The following FANCD2 variants were observed in gnomAD, a reference collection of about 807,000 sequenced individuals.
FANCD2 encodes Fanconi anemia group D2 protein.
A neutral mutation model predicts 192.3 loss-of-function variants in FANCD2; 131 were observed. The observed-to-expected ratio is 0.68, with a 90% CI of 0.59 to 0.79. FANCD2 has a LOEUF of 0.79. Among genes scored for constraint, FANCD2 ranks in the 30% least tolerant of loss-of-function variants. The probability of loss-of-function intolerance (pLI) is 0.00; values close to 1 mark genes in which losing one functional copy is unlikely to be tolerated. For synonymous variants in FANCD2, 524 were observed against 612.5 expected, an observed-to-expected ratio of 0.86 and a Z score of 2.13; for missense variants, 1,508 against 1,701.6, an observed-to-expected ratio of 0.89 and a Z score of 2.00.
intron 30 of FANCD2, 37 bp downstream of exon 30, chr3:10,078,234 G>A (rs892778388): frequency 9.6e-6 from 13 of 1,351,092 alleles, no homozygotes; most frequent in Non-Finnish European, 1.4e-5. Context: ...TGGGCATAGT[G>A]GATTTGGGAA....
chr3:10,060,389 C>T lies in FANCD2; in HGVS notation c.1752C>T (p.Ile584=). Residue 584 remains isoleucine (I), a synonymous_variant, in exon 19 of 44, where the codon ATC becomes ATT. Transcript: ENST00000675286. ...TTGGTGCTGTGACCATGGCTGGCAT[C>T]ATGGCGGCAGACAGGTACACGTGGA... The part of the protein sequence containing the change: ...GIIGAVTMAG[I]MAADRSESPS... The T allele has an allele frequency of 6.2e-7, 1 of 1,613,738 alleles. No homozygotes were observed. The highest frequency in any genetic ancestry group is 8.5e-7 in the Non-Finnish European group (1 of 1,179,698).
At chr3:10,067,694 A>G (rs2087759839) in intron 26 of FANCD2, among the ~76,000 whole-genome samples, 1 of 152,188 alleles carries the variant, frequency 6.6e-6, no homozygotes, top group Admixed American at 6.5e-5. Context: ...ACTACTTGGG[A>G]GGCTGAGACA....
At chr3:10,077,460 CAGG>C (rs957789519) in intron 29 of FANCD2, among the ~76,000 whole-genome samples, 3 of 151,906 alleles carry the variant, frequency 2.0e-5, no homozygotes, top group Admixed American at 6.6e-5. Context: ...GAGGCTGAGG[CAGG>C]AGAATTGCTT....
In FANCD2 at chr3:10,028,634, T is replaced by G. The variant is rs2086515701; in HGVS notation, c.-24T>G. ...CCCGATTTTGCTCTAGGAAGTAATTTAAGTGCACAAGACATTGGTCAAAAT... is the reference window on the plus strand; with the variant it reads ...CCCGATTTTGCTCTAGGAAGTAATTGAAGTGCACAAGACATTGGTCAAAAT... On this transcript the variant is annotated 5_prime_UTR_variant, in exon 2 of 44. Coordinates refer to ENST00000675286, the MANE Select transcript of FANCD2 (RefSeq NM_001018115.3). 2 of 1,609,748 alleles carry G rather than the reference T, an allele frequency of 1.2e-6. No homozygotes were observed. The highest frequency in any genetic ancestry group is 4.5e-5 in the East Asian group (2 of 44,836).
In FANCD2 at chr3:10,039,284, A is replaced by G. The variant is rs1356920011; in HGVS notation, c.497A>G (p.Asn166Ser). The change falls in exon 8 of 44, where the codon AAC (asparagine) becomes AGC (serine). Residue 166 changes from asparagine to serine, a missense_variant. Coordinates refer to ENST00000675286, the MANE Select transcript of FANCD2 (RefSeq NM_001018115.3). ...TTCTCTTCCTAACATTTTAGCAAGA[A>G]CAGTGATGAAATCAACATACCTCGA... ...KLPEYFFENK[N>S]SDEINIPRLI... The G allele has an allele frequency of 6.2e-7, 1 of 1,613,136 alleles. No individual in the cohort carries two copies. The highest frequency in any genetic ancestry group is 1.1e-5 in the South Asian group (1 of 90,954).
rs1464122263 is a variant in FANCD2 at position 10,087,150 on chromosome 3, T to A, written c.3352T>A (p.Leu1118Met). The change falls in exon 34 of 44, where the codon TTG becomes ATG. Residue 1118 changes from leucine (L) to methionine (M), a missense_variant. By Grantham distance (15) the Leu-to-Met change is conservative. Coordinates refer to ENST00000675286, the MANE Select transcript of FANCD2 (RefSeq NM_001018115.3). The stretch of plus-strand genomic sequence containing the variant: ...TCCTTACAGCCAGAGCGTCCATTAC[T>A]TGCAGAATTTCCATCAAAGCATTCC... ...EELLSQSVHY[L>M]QNFHQSIPSF... The A allele has an allele frequency of 3.1e-6, 5 of 1,614,164 alleles. No homozygotes were observed. The highest frequency in any genetic ancestry group is 4.2e-6 in the Non-Finnish European group (5 of 1,180,022).
At chr3:10,049,885 C>T (rs1224799329) in intron 17 of FANCD2, among the ~76,000 whole-genome samples, 1 of 152,100 alleles carries the variant, frequency 6.6e-6, no homozygotes, top group Non-Finnish European at 1.5e-5. Context: ...GAATGACTGA[C>T]AAGAGAAAGT....
chr3:10,076,702 A>C (rs1693562501), intron 29 of FANCD2, among the ~76,000 whole-genome samples: 1 of 152,004 alleles, frequency 6.6e-6, no homozygotes, highest in Non-Finnish European at 1.5e-5. Flanking sequence ...GGCATGCCCC[A>C]CTACACCCGG....
chr3:10,090,018 C>G (rs939381549), intron 36 of FANCD2, among the ~76,000 whole-genome samples: 1 of 152,156 alleles, frequency 6.6e-6, no homozygotes, highest in Non-Finnish European at 1.5e-5. Flanking sequence ...AACATAGAAC[C>G]AGGACTCAAA....
intron 29 of FANCD2, among the ~76,000 whole-genome samples, chr3:10,076,740 G>T (rs925113705): frequency 6.6e-6 from 1 of 151,980 alleles, no homozygotes; most frequent in East Asian, 1.9e-4. Flanking sequence ...TTGTTTGTTT[G>T]TTGGAGACGG....
chr3:10,038,434 A>T (rs1379995372), intron 7 of FANCD2, among the ~76,000 whole-genome samples: 1 of 152,198 alleles, frequency 6.6e-6, no homozygotes, highest in Admixed American at 6.5e-5. Context: ...AACTTTAGAT[A>T]TAGGAGGCTC....
chr3:10,069,808 G>A (rs1424866637), intron 26 of FANCD2, among the ~76,000 whole-genome samples: 2 of 152,072 alleles, frequency 1.3e-5, no homozygotes, highest in African/African-American at 2.4e-5. Context: ...ATCTCGGCTC[G>A]CTACAACCTC....
chr3:10,065,836 G>A, intron 24 of FANCD2, 28 bp from the exon 25 acceptor site: 1 of 1,418,996 alleles, frequency 7.0e-7, no homozygotes, highest in Non-Finnish European at 1.0e-6. Flanking sequence ...TGCACTAAAG[G>A]TAGTTGGAAA....
intron 25 of FANCD2, 117 bp downstream of exon 25, chr3:10,066,096 C>T: frequency 1.4e-6 from 1 of 704,024 alleles, no homozygotes; most frequent in East Asian, 2.7e-5. Context: ...CCGTGTGCTT[C>T]TCTAGCTGTT....
In FANCD2 at chr3:10,085,893, A is replaced by C. The variant is rs1390484498; in HGVS notation, c.3306A>C (p.Glu1102Asp). The change falls in exon 33 of 44, where the codon GAA becomes GAC. Residue 1102 changes from glutamate (E) to aspartate (D), a missense_variant. Physicochemically the swap from Glu to Asp is conservative, Grantham distance 45 (BLOSUM62 2). Transcript: ENST00000675286. ...HVLSSRLKQG[E>D]HSQPLEELLS... ...TTAGTAGCCGACTGAAACAGGGAGAACACAGCCAGCCTTTGGAGGAACTAC... is the reference window on the plus strand; with the variant it reads ...TTAGTAGCCGACTGAAACAGGGAGACCACAGCCAGCCTTTGGAGGAACTAC... 1.9e-6 allele frequency: 3 copies of C among 1,613,372 alleles called. No individual in the cohort carries two copies. In the Admixed American group the frequency reaches 5.0e-5, roughly 27 times the overall value.
At chr3:10,033,500 A>G (rs536536647) in intron 3 of FANCD2, among the ~76,000 whole-genome samples, 1 of 152,118 alleles carries the variant, frequency 6.6e-6, no homozygotes, top group East Asian at 1.9e-4. Flanking sequence ...AAAAAATATT[A>G]TATATTATTT....
chr3:10,040,547 C>A (rs988525495), intron 9 of FANCD2: 9 of 456,580 alleles, frequency 2.0e-5, no homozygotes, highest in Admixed American at 9.4e-5. Context: ...GTGATTCATT[C>A]TAATGCACAG....
Position 10,101,809 on chromosome 3 carries a change from C to T in FANCD2, c.*547C>T. 5.1e-6 allele frequency: 1 copy of T among 197,852 alleles called. No individual in the cohort carries two copies. The highest frequency in any genetic ancestry group is 2.3e-5 in the African/African-American group (1 of 43,246). 12.3% of individuals were successfully genotyped at this position (197,852 alleles called of 1,614,324 possible). On this transcript the variant is annotated 3_prime_UTR_variant, in exon 44 of 44. Coordinates refer to ENST00000675286, the MANE Select transcript of FANCD2 (RefSeq NM_001018115.3). Reference sequence around the variant, plus strand: ...ATTGGTTTGGATAAACCCAGCTGTGCTACACTGCAGAGTAAAATCTCTGAG... The same window carrying T: ...ATTGGTTTGGATAAACCCAGCTGTGTTACACTGCAGAGTAAAATCTCTGAG...
chr3:10,064,766 G>A lies in FANCD2; in HGVS notation c.2059G>A (p.Glu687Lys), dbSNP rs1426410545. Residue 687 changes from glutamate to lysine, a missense_variant, in exon 23 of 44, where the codon GAA becomes AAA. Physicochemically the swap from Glu to Lys is moderately conservative, Grantham distance 56 (BLOSUM62 1). Around this residue, in one of 5 missense-constraint regions of FANCD2, gnomAD observed 59 missense variants for 111.9 expected, o/e 0.53. Coordinates refer to ENST00000675286, the MANE Select transcript of FANCD2 (RefSeq NM_001018115.3). ...PFPVKALYGLEEYDTQDGIAI... is the reference protein window; with the variant it reads ...PFPVKALYGLKEYDTQDGIAI... ...TCCTGTGAAAGCACTGTACGGACTG[G>A]AAGAATACGACACTCAGGATGGGAT... The A allele has an allele frequency of 2.5e-6, 4 of 1,614,134 alleles. No individual in the cohort carries two copies. In the Admixed American group the frequency reaches 5.0e-5, roughly 20 times the overall value.
Sources: gnomAD v4.1 joint callset for allele counts (sites outside exome capture counted in the v4.1 genomes callset) on GRCh38, gnomAD v4.1.1 for gene constraint, gnomAD v4.1.1 regional missense constraint, MANE v1.5 for transcripts, NCBI Gene and HGNC (gene_info 2026-07-23, HGNC 2026-07-21) for gene names.